The following LZTS2 variants were observed in gnomAD, a reference collection of about 807,000 sequenced individuals.
The protein encoded by LZTS2 is leucine zipper tumor suppressor 2, also known as leucine zipper putative tumor suppressor 2.
In LZTS2, 32 loss-of-function variants were observed where a neutral mutation model predicts 60.6. The ratio of observed to expected loss-of-function variants is 0.53; its 90% CI spans 0.40 to 0.71. LZTS2 has a LOEUF of 0.71. Ranked by LOEUF, LZTS2 falls within the 30% of genes least tolerant of loss-of-function variation. The pLI is 0.00. For synonymous variants in LZTS2, 360 were observed against 393.1 expected (o/e 0.92, Z 1.00); for missense variants, 792 against 901.9 (o/e 0.88, Z 1.56).
In LZTS2 at chr10:101,007,180, A is replaced by T. The variant is rs1490582367; in HGVS notation, c.*12A>T. Reference sequence around the variant, plus strand: ...CTACTGAGATCTAGGGCCCTCAGCAACCAGCTCTGTAGGGAGCTCTGCCAG... The same window carrying T: ...CTACTGAGATCTAGGGCCCTCAGCATCCAGCTCTGTAGGGAGCTCTGCCAG... On this transcript the variant is annotated 3_prime_UTR_variant, in exon 4 of 4. Coordinates refer to ENST00000370220, the Ensembl canonical transcript of LZTS2. The T allele has an allele frequency of 6.4e-6, 10 of 1,552,622 alleles. No homozygotes were observed. In the South Asian group the frequency reaches 1.1e-4, roughly 17 times the overall value.
intron 2 of LZTS2, among the ~76,000 whole-genome samples, chr10:101,005,206 T>C (rs1325297193): frequency 2.6e-5 from 4 of 152,188 alleles, no homozygotes; most frequent in Non-Finnish European, 5.9e-5. Context: ...TTTGCTGTGT[T>C]GCCTAGGCTG....
chr10:101,007,569 G>A lies in LZTS2; in HGVS notation c.*401G>A, dbSNP rs111816657. ...AAAGCCAGATGGCACCAGCTGCTCC[G>A]GATGTGCCTGCCCACATTGGGGGAC... On this transcript the variant is annotated 3_prime_UTR_variant, in exon 4 of 4. Coordinates refer to ENST00000370220, the Ensembl canonical transcript of LZTS2. 82 of 1,303,378 alleles carry A rather than the reference G, an allele frequency of 6.3e-5. No homozygotes were observed. In the African/African-American group the frequency reaches 7.5e-4, roughly 12 times the overall value. 80.7% of individuals were successfully genotyped at this position (1,303,378 alleles called of 1,614,324 possible).
At position 101,006,894 on chromosome 10, in the gene LZTS2, G is replaced by T. The variant is rs764904227; in HGVS notation, c.1736G>T (p.Arg579Leu). ...TTGCGGGCCCAGGTGGAGCGATTGC[G>T]GGTGGAGCTGCAGCGGGAGCGGCGG... The change falls in exon 4 of 4, where the codon CGG (arginine) becomes CTG (leucine). Residue 579 changes from arginine to leucine, a missense_variant. Arg to Leu is a moderately radical substitution (Grantham distance 102). Transcript: ENST00000370220. 5.2e-6 allele frequency: 8 copies of T among 1,533,284 alleles called. No individual in the cohort carries two copies. The Admixed American group carries it at 1.2e-4, about 23-fold the overall frequency. 95.0% of individuals were successfully genotyped at this position (1,533,284 alleles called of 1,614,324 possible).
chr10:100,997,974 G>A (rs114986603), upstream of LZTS2, among the ~76,000 whole-genome samples: 541 of 152,314 alleles, frequency 3.6e-3, 9 homozygotes, highest in African/African-American at 0.012. Flanking sequence ...GAAGGTTTCG[G>A]AGACAGGCCC....
At chr10:101,005,459 C>T (rs750190121) in exon 3 of LZTS2, 17 of 1,559,682 alleles carry the variant, frequency 1.1e-5, no homozygotes, top group Non-Finnish European at 1.5e-5. Flanking sequence ...CGCCTGCAGG[C>T]ATACGAGGAG....
chr10:101,003,797 C>T lies in LZTS2; in HGVS notation c.699C>T (p.Thr233=), dbSNP rs144148031. The T allele has an allele frequency of 8.9e-4, 1,439 of 1,613,204 alleles. 1 individual carries two copies. The highest frequency in any genetic ancestry group is 1.1e-3 in the Non-Finnish European group (1,311 of 1,180,022). The change falls in exon 2 of 4, where the codon ACC becomes ACT. Residue 233 remains threonine (T), a synonymous_variant. Transcript: ENST00000370220. ...TGTCCAGCCTGCCCACCTACAGCAC[C>T]GGAGGTGCCGAGCCAACCACCAGCT...
exon 4 of LZTS2, chr10:101,006,734 A>G (rs1590039996): frequency 6.3e-7 from 1 of 1,597,972 alleles, no homozygotes; most frequent in East Asian, 2.2e-5. Flanking sequence ...GCTGCGGGAG[A>G]AAGCTGGGCA....
chr10:101,005,138 A>G (rs1852142845), intron 2 of LZTS2, among the ~76,000 whole-genome samples: 1 of 152,124 alleles, frequency 6.6e-6, no homozygotes, highest in African/African-American at 2.4e-5. Flanking sequence ...CAAGTAGCTG[A>G]GACTACAGGC....
At chr10:101,005,007 C>CT (rs1393783278) in intron 2 of LZTS2, among the ~76,000 whole-genome samples, 3 of 152,026 alleles carry the variant, frequency 2.0e-5, no homozygotes, top group Non-Finnish European at 2.9e-5. Context: ...CAAGTGCTTG[C>CT]TTTTTTTATT....
At chr10:101,007,100 G>C in exon 4 of LZTS2, 1 of 1,611,084 alleles carries the variant, frequency 6.2e-7, no homozygotes, top group Non-Finnish European at 8.5e-7. Flanking sequence ...CCGGGAGCTC[G>C]CTGACCTGGG....
chr10:101,006,886 G>A (rs1248035389), exon 4 of LZTS2: 45 of 1,532,002 alleles, frequency 2.9e-5, no homozygotes, highest in South Asian at 6.3e-5. Context: ...CCCAGGTGGA[G>A]CGATTGCGGG....
exon 3 of LZTS2, chr10:101,005,691 G>C (rs144423222): frequency 2.1e-5 from 33 of 1,587,876 alleles, no homozygotes; most frequent in Non-Finnish European, 4.3e-6. Flanking sequence ...AGCTCGGGCC[G>C]AGGCTTGAGG....
exon 4 of LZTS2, chr10:101,007,191 A>G (rs781670034): frequency 6.5e-7 from 1 of 1,527,924 alleles, no homozygotes; most frequent in Non-Finnish European, 8.8e-7. Context: ...CCAGCTCTGT[A>G]GGGAGCTCTG....
At chr10:101,003,709 C>A (rs780444561) in exon 2 of LZTS2, 5 of 1,613,552 alleles carry the variant, frequency 3.1e-6, no homozygotes, top group Non-Finnish European at 4.2e-6. Flanking sequence ...AAACCCCTGG[C>A]ATTTAGTGGC....
rs757451557 is a variant in LZTS2, at chr10:101,005,525, A to AGGCACAGCG, written c.1149_1157dup (p.Arg385_Gln387dup). The AGGCACAGCG allele has an allele frequency of 2.5e-5, 40 of 1,605,450 alleles. No homozygotes were observed. The African/African-American group carries it at 2.7e-4, about 11-fold the overall frequency. ...GCCCTGCGAGAGGACTGTGCGGCCC[A>AGGCACAGCG]GGCACAGCGGGCACAGCGGGCCCAA... On this transcript the variant is annotated inframe_insertion, in exon 3 of 4. Coordinates refer to ENST00000370220, the Ensembl canonical transcript of LZTS2.
exon 1 of LZTS2, chr10:101,002,840 C>G (rs753214488): frequency 6.2e-7 from 1 of 1,613,902 alleles, no homozygotes; most frequent in Non-Finnish European, 8.5e-7. Context: ...GAGTCACCCC[C>G]CAGCCCAAGC....
At chr10:101,003,701 A>G (rs756221646) in exon 2 of LZTS2, 21 of 1,612,244 alleles carry the variant, frequency 1.3e-5, no homozygotes, top group Non-Finnish European at 1.7e-5. Flanking sequence ...CTGCTGACAA[A>G]CCCCTGGCAT....
chr10:100,998,332 G>C (rs890432319), upstream of LZTS2: 1 of 153,104 alleles, frequency 6.5e-6, no homozygotes, highest in African/African-American at 2.4e-5. Flanking sequence ...CCAGGAGGCA[G>C]GGATCAGGGC....
At chr10:100,999,837 G>C (rs1313199573) in exon 1 of LZTS2, 3 of 148,400 alleles carry the variant, frequency 2.0e-5, no homozygotes, top group African/African-American at 7.3e-5. Context: ...CCGAGTGGCG[G>C]CGCGCGGGCC....
Sources: allele counts gnomAD v4.1 joint callset (sites outside exome capture counted in the v4.1 genomes callset), GRCh38; gene constraint gnomAD v4.1.1; transcripts MANE v1.5; gene names NCBI Gene and HGNC (gene_info 2026-07-23, HGNC 2026-07-21).